ASAP2: variants seen among roughly 807,000 people sequenced by gnomAD.
ASAP2 encodes arf-GAP with SH3 domain, ANK repeat and PH domain-containing protein 2.
Under a neutral mutation model 131.4 loss-of-function variants are expected in ASAP2, and 45 were observed. The observed-to-expected ratio is 0.34, with a 90% CI of 0.27 to 0.44. The LOEUF is 0.44. ASAP2 is among the 20% of genes least tolerant of loss of function. The pLI is 1.00. For synonymous variants in ASAP2, 510 were observed against 503.0 expected, an observed-to-expected ratio of 1.01 and a Z score of -0.19; for missense variants, 1,011 against 1,297.0, an observed-to-expected ratio of 0.78 and a Z score of 3.39.
intron 17 of ASAP2, among the ~76,000 whole-genome samples, 162 bp downstream of exon 17, chr2:9,375,106 C>CAAAA (rs112747713): frequency 1.5e-5 from 1 of 66,254 alleles, no homozygotes; most frequent in Non-Finnish European, 3.6e-5. Context: ...CCCATCTCTA[C>CAAAA]AAAAAAAAAA....
intron 1 of ASAP2, among the ~76,000 whole-genome samples, chr2:9,269,280 A>G (rs935250346): frequency 6.6e-6 from 1 of 152,044 alleles, no homozygotes; most frequent in Non-Finnish European, 1.5e-5. Flanking sequence ...CATAACATTT[A>G]TCTTAATTAA....
At chr2:9,258,951 T>C (rs1282933345) in intron 1 of ASAP2, among the ~76,000 whole-genome samples, 2 of 152,224 alleles carry the variant, frequency 1.3e-5, no homozygotes, top group African/African-American at 4.8e-5. Context: ...TCCAGTGATA[T>C]TCCTCGGATT....
chr2:9,348,322 A>AGGGTT (rs1475495354), intron 11 of ASAP2, among the ~76,000 whole-genome samples: 1,735 of 151,986 alleles, frequency 0.011, 35 homozygotes, highest in African/African-American at 0.04. Flanking sequence ...TCTCTACTAA[A>AGGGTT]TCAGCCAGGT....
intron 2 of ASAP2, among the ~76,000 whole-genome samples, chr2:9,293,205 A>G (rs1404054088): frequency 6.6e-6 from 1 of 152,194 alleles, no homozygotes; most frequent in African/African-American, 2.4e-5. Flanking sequence ...TTTCTCTGCC[A>G]GAGTCTCTCA....
intron 3 of ASAP2, among the ~76,000 whole-genome samples, chr2:9,307,635 A>AGAGGGCC (rs1669031810): frequency 6.6e-6 from 1 of 152,190 alleles, no homozygotes; most frequent in South Asian, 2.1e-4. Flanking sequence ...AGAAGGGGGC[A>AGAGGGCC]GAGGGCCCAG....
intron 1 of ASAP2, chr2:9,271,653 G>C (rs1666406151): frequency 2.4e-6 from 2 of 829,818 alleles, no homozygotes; most frequent in African/African-American, 1.7e-5. Flanking sequence ...TTTTCTCGGT[G>C]GAAATGGTCT....
At position 9,344,621 on chromosome 2, in the gene ASAP2, C is replaced by T. The variant is rs774339512; in HGVS notation, c.939C>T (p.Tyr313=). The change falls in exon 10 of 28, where the codon TAC becomes TAT. Residue 313 remains tyrosine (Y), a synonymous_variant. Coordinates refer to ENST00000281419, the MANE Select transcript of ASAP2 (RefSeq NM_003887.3). ...GGACCGAGCGGAACGGCAGCCTCTA[C>T]AAGAAGAGTGACGGGTACGTGAGGG... ...EHGTERNGSL[Y]KKSDGIRKVW... is the part of the protein sequence containing the mutation. 3 of 1,614,116 alleles carry T rather than the reference C, an allele frequency of 1.9e-6. No individual in the cohort carries two copies. The highest frequency in any genetic ancestry group is 2.2e-5 in the East Asian group (1 of 44,886).
chr2:9,368,925 C>T (rs528692191), intron 16 of ASAP2, among the ~76,000 whole-genome samples: 1 of 152,050 alleles, frequency 6.6e-6, no homozygotes, highest in Non-Finnish European at 1.5e-5. Flanking sequence ...TTCTTGCCAA[C>T]GTCCTTGCCT....
intron 6 of ASAP2, among the ~76,000 whole-genome samples, chr2:9,324,828 T>C (rs1670377802): frequency 6.6e-6 from 1 of 152,254 alleles, no homozygotes; most frequent in Non-Finnish European, 1.5e-5. Context: ...GTATCACTTA[T>C]AGATAATATA....
chr2:9,389,577 T>C lies in ASAP2; in HGVS notation c.2383+1031T>C, dbSNP rs1675558478. Among the ~76,000 whole-genome samples the C allele has an allele frequency of 6.6e-6, 1 of 152,142 alleles. No individual in the cohort carries two copies. Among genetic ancestry groups the C allele is most frequent in the Non-Finnish European group, 1.5e-5 (1 of 68,014 alleles). ...CTCGGCTGTGCTGCTGGGCCCATCTTCCCTGCCGTCCTGGGTGTCTCACAG... is the reference window on the plus strand; with the variant it reads ...CTCGGCTGTGCTGCTGGGCCCATCTCCCCTGCCGTCCTGGGTGTCTCACAG... On this transcript the variant is annotated intron_variant, in intron 22 of 27. Coordinates refer to ENST00000281419, the MANE Select transcript of ASAP2 (RefSeq NM_003887.3). This position sits in a 1 kb window ranked among gnomAD's most constrained non-coding sequence, Gnocchi z 4.7.
intron 6 of ASAP2, among the ~76,000 whole-genome samples, chr2:9,327,480 T>C (rs1670554704): frequency 6.6e-6 from 1 of 152,318 alleles, no homozygotes; most frequent in African/African-American, 2.4e-5. Flanking sequence ...GTAAGGGACC[T>C]TGGGCAGGAG....
At chr2:9,358,664 A>G in intron 14 of ASAP2, 92 bp from the exon 15 acceptor site, 9 of 1,472,170 alleles carry the variant, frequency 6.1e-6, no homozygotes, top group Non-Finnish European at 8.2e-6. Flanking sequence ...CATGCTCAGA[A>G]CTGCTTGTTC....
At chr2:9,334,202 T>TTG (rs1345744911) in intron 7 of ASAP2, among the ~76,000 whole-genome samples, 22 of 56,838 alleles carry the variant, frequency 3.9e-4, no homozygotes, top group African/African-American at 1.7e-3. Context: ...TTTGTATTTG[T>TTG]TTTTTTTTTT....
intron 15 of ASAP2, among the ~76,000 whole-genome samples, chr2:9,363,105 C>T (rs918584090): frequency 6.8e-4 from 104 of 152,274 alleles, no homozygotes; most frequent in African/African-American, 2.4e-3. Flanking sequence ...CAGGTTCATC[C>T]ATGTTGTCAC....
At chr2:9,287,170 G>A (rs991273767) in intron 2 of ASAP2, among the ~76,000 whole-genome samples, 9 of 152,222 alleles carry the variant, frequency 5.9e-5, no homozygotes, top group African/African-American at 1.9e-4. Context: ...GCTGAGGCGG[G>A]AAGTTGCTGG....
chr2:9,396,788 A>C (rs1308209502), intron 24 of ASAP2, among the ~76,000 whole-genome samples: 2 of 152,288 alleles, frequency 1.3e-5, no homozygotes, highest in Non-Finnish European at 2.9e-5. Flanking sequence ...GATCACTTGA[A>C]GCCAAGAGTT....
At chr2:9,283,492 C>T (rs990793802) in intron 2 of ASAP2, among the ~76,000 whole-genome samples, 3 of 152,180 alleles carry the variant, frequency 2.0e-5, no homozygotes, top group African/African-American at 4.8e-5. Flanking sequence ...CCTGAGGCTT[C>T]AGGGGAAATC....
intron 3 of ASAP2, among the ~76,000 whole-genome samples, chr2:9,305,020 T>C (rs1489091119): frequency 5.6e-5 from 7 of 125,372 alleles, no homozygotes; most frequent in Admixed American, 1.0e-4. Flanking sequence ...AAGATATTGG[T>C]GGAGGGGCTA....
intron 1 of ASAP2, among the ~76,000 whole-genome samples, chr2:9,216,104 G>A (rs898202365): frequency 6.6e-6 from 1 of 152,122 alleles, no homozygotes; most frequent in Non-Finnish European, 1.5e-5. Context: ...CTTTGACTCT[G>A]CAGGGCAAGT....
Sources: allele counts gnomAD v4.1 joint callset (sites outside exome capture counted in the v4.1 genomes callset), GRCh38; gene constraint gnomAD v4.1.1; non-coding constraint Gnocchi (gnomAD v3.1); transcripts MANE v1.5; gene names NCBI Gene and HGNC (gene_info 2026-07-23, HGNC 2026-07-21).